WWOX: variants seen among roughly 807,000 people sequenced by gnomAD.
WWOX encodes WW domain-containing oxidoreductase.
WWOX carries 69 observed loss-of-function variants against 46.2 expected under a neutral mutation model. That is an observed-to-expected ratio of 1.49 (90% CI 1.23 to 1.82). WWOX has a LOEUF of 1.82. Among genes scored for constraint, WWOX ranks in the 40% most tolerant of loss-of-function variants. The pLI, the probability that WWOX is intolerant of heterozygous loss-of-function variation, is 0.00. For missense variants in WWOX, 919 were observed against 542.6 expected (o/e 1.69, Z -6.89); for synonymous variants, 359 against 202.6 (o/e 1.77, Z -6.56).
At chr16:78,931,555 A>G (rs760867370) in intron 8 of WWOX, among the ~76,000 whole-genome samples, 7 of 152,218 alleles carry the variant, frequency 4.6e-5, no homozygotes, top group Admixed American at 6.5e-5. Context: ...TACAAAGGCA[A>G]TGAGTACATG....
At chr16:78,316,089 TAAAAAA>T (rs112853696) in intron 5 of WWOX, among the ~76,000 whole-genome samples, 1 of 147,926 alleles carries the variant, frequency 6.8e-6, no homozygotes, top group Admixed American at 6.8e-5. Flanking sequence ...CTACTGAAAA[TAAAAAA>T]AAAATCAGGC....
chr16:78,511,865 T>C (rs751332933), intron 8 of WWOX, among the ~76,000 whole-genome samples: 2 of 152,222 alleles, frequency 1.3e-5, no homozygotes, highest in Non-Finnish European at 2.9e-5. Context: ...TTGATCTGAA[T>C]ATTAAATACA....
chr16:78,503,606 C>A (rs181073235), intron 8 of WWOX: 19 of 152,154 alleles, frequency 1.2e-4, no homozygotes, highest in African/African-American at 4.6e-4. Flanking sequence ...AGAACATTTC[C>A]ACACCATTAG....
intron 8 of WWOX, among the ~76,000 whole-genome samples, chr16:78,933,569 C>A (rs1010666148): frequency 1.3e-5 from 2 of 152,220 alleles, no homozygotes; most frequent in East Asian, 3.9e-4. Flanking sequence ...TGAATTAGCC[C>A]ATTTTCATGC....
At chr16:78,642,790 A>T (rs2046751857) in intron 8 of WWOX, among the ~76,000 whole-genome samples, 1 of 152,148 alleles carries the variant, frequency 6.6e-6, no homozygotes, top group South Asian at 2.1e-4. Context: ...CACACTCATG[A>T]CAGATGCAGG....
At chr16:78,696,212 G>A (rs1408629847) in intron 8 of WWOX, among the ~76,000 whole-genome samples, 1 of 152,120 alleles carries the variant, frequency 6.6e-6, no homozygotes, top group East Asian at 1.9e-4. Flanking sequence ...TCTCTGCCTG[G>A]CAACTTCCTT....
intron 5 of WWOX, chr16:78,179,616 G>A (rs2035465044): frequency 6.6e-6 from 1 of 152,160 alleles, no homozygotes; most frequent in Admixed American, 6.5e-5. Flanking sequence ...AGCTAGCATT[G>A]TTTTCCAGTG....
Position 78,135,723 on chromosome 16 carries a change from AC to A in WWOX, c.409+20570del, listed in dbSNP as rs962775484. On this transcript the variant is annotated intron_variant, in intron 4 of 8. Coordinates refer to ENST00000566780, the MANE Select transcript of WWOX (RefSeq NM_016373.4). Reference sequence around the variant, plus strand: ...ACAACAACAACAAACAACAAAAAAAACACCTTCCACTAAAACTGACTCAAAA... The same window carrying A: ...ACAACAACAACAAACAACAAAAAAAAACCTTCCACTAAAACTGACTCAAAA... Among the ~76,000 whole-genome samples, 76 of 152,300 alleles carry A rather than the reference AC, an allele frequency of 5.0e-4. 1 individual carries two copies. The highest frequency in any genetic ancestry group is 1.7e-3 in the African/African-American group (71 of 41,566).
chr16:78,227,689 T>C (rs12596319), intron 5 of WWOX, among the ~76,000 whole-genome samples: 127,360 of 151,894 alleles, frequency 0.84, 53,808 homozygotes, highest in African/African-American at 0.94. Flanking sequence ...CCAGCCTGGC[T>C]AACATGGTGA....
intron 8 of WWOX, among the ~76,000 whole-genome samples, chr16:78,903,786 T>C (rs554774903): frequency 6.6e-6 from 1 of 152,308 alleles, no homozygotes; most frequent in African/African-American, 2.4e-5. Context: ...GGTTCCTTTC[T>C]AGCTCAATCA....
chr16:78,770,757 A>C (rs540703369), intron 8 of WWOX, among the ~76,000 whole-genome samples: 12 of 145,334 alleles, frequency 8.3e-5, no homozygotes, highest in Non-Finnish European at 1.8e-4. Flanking sequence ...AGCGCCCTCT[A>C]CTGGCGAAGC....
intron 8 of WWOX, among the ~76,000 whole-genome samples, chr16:79,009,424 A>G (rs1176230203): frequency 6.6e-6 from 1 of 152,018 alleles, no homozygotes; most frequent in African/African-American, 2.4e-5. Context: ...GGAGTGGGCA[A>G]AAGGAGACAC....
intron 8 of WWOX, among the ~76,000 whole-genome samples, chr16:78,846,585 A>G (rs1484492029): frequency 6.6e-6 from 1 of 152,158 alleles, no homozygotes; most frequent in Non-Finnish European, 1.5e-5. Flanking sequence ...TTCTTCGGCC[A>G]TCAAGTCAGA....
intron 4 of WWOX, among the ~76,000 whole-genome samples, chr16:78,133,317 G>A (rs560474536): frequency 6.6e-6 from 1 of 152,324 alleles, no homozygotes; most frequent in South Asian, 2.1e-4. Flanking sequence ...CTTGAGTGCA[G>A]TGGCTCAATC....
chr16:79,201,170 T>C lies in WWOX; in HGVS notation c.1057-10438T>C, dbSNP rs74038819. ...ACTTCTGGCTTCAGCACAGGGGATT[T>C]TCCTACCATCCCATATTGCCACCCC... On this transcript the variant is annotated intron_variant, in intron 8 of 8. Transcript: ENST00000566780. Among the ~76,000 whole-genome samples, 1,297 of 152,116 alleles carry C rather than the reference T, an allele frequency of 8.5e-3. 11 individuals carry two copies. Among genetic ancestry groups the C allele is most frequent in the African/African-American group, 0.03 (1,252 of 41,498 alleles).
intron 8 of WWOX, among the ~76,000 whole-genome samples, chr16:78,918,054 T>C (rs1351176125): frequency 6.6e-6 from 1 of 151,780 alleles, no homozygotes; most frequent in Non-Finnish European, 1.5e-5. Context: ...ATTTTAAAAT[T>C]AGCCAGGCGT....
At chr16:78,590,764 A>G (rs1254303525) in intron 8 of WWOX, among the ~76,000 whole-genome samples, 1 of 152,174 alleles carries the variant, frequency 6.6e-6, no homozygotes, top group African/African-American at 2.4e-5. Context: ...TGCCAGGTCT[A>G]ATGGGCTTCA....
intron 5 of WWOX, among the ~76,000 whole-genome samples, chr16:78,183,737 C>T (rs936844083): frequency 6.6e-6 from 1 of 152,110 alleles, no homozygotes; most frequent in African/African-American, 2.4e-5. Context: ...TGAGGTGCCC[C>T]CACCTTTCCT....
intron 8 of WWOX, among the ~76,000 whole-genome samples, chr16:78,591,167 T>C (rs2045342022): frequency 6.6e-6 from 1 of 152,178 alleles, no homozygotes. Context: ...TTTTTCAAGA[T>C]GGTTTTAGCA....
Sources: allele counts gnomAD v4.1 joint callset (sites outside exome capture counted in the v4.1 genomes callset), GRCh38; gene constraint gnomAD v4.1.1; transcripts MANE v1.5; gene names NCBI Gene and HGNC (gene_info 2026-07-23, HGNC 2026-07-21).